TCAIM: variants seen among roughly 807,000 people sequenced by gnomAD.
TCAIM encodes the protein T cell activation inhibitor, mitochondrial.
TCAIM carries 36 observed loss-of-function variants against 58.6 expected under a neutral mutation model. That is an observed-to-expected ratio of 0.61 (90% CI 0.47 to 0.81). TCAIM has a LOEUF of 0.81. Among genes scored for constraint, TCAIM ranks in the 30% least tolerant of loss-of-function variants. The pLI, the probability that TCAIM is intolerant of heterozygous loss-of-function variation, is 0.00. For synonymous variants in TCAIM, 172 were observed against 193.6 expected (o/e 0.89, Z 0.93); for missense variants, 466 against 579.6 (o/e 0.80, Z 2.01).
intron 5 of TCAIM, among the ~76,000 whole-genome samples, chr3:44,375,890 C>T (rs766453958): frequency 1.3e-5 from 2 of 152,122 alleles, no homozygotes; most frequent in African/African-American, 2.4e-5. Context: ...CTTATAGCAA[C>T]GTTATTTATA....
chr3:44,367,950 T>A, intron 5 of TCAIM: 1 of 388,708 alleles, frequency 2.6e-6, no homozygotes, highest in Non-Finnish European at 4.6e-6. Context: ...TTTAAAGTTG[T>A]GGTCTTTTGA....
intron 1 of TCAIM, among the ~76,000 whole-genome samples, chr3:44,342,731 A>G (rs62253868): frequency 1.7e-4 from 25 of 149,472 alleles, no homozygotes; most frequent in Non-Finnish European, 4.4e-5. Context: ...TTTTTTTTAA[A>G]TTGTAGAAAG....
At chr3:44,389,058 G>A (rs1371577359) in intron 5 of TCAIM, among the ~76,000 whole-genome samples, 12 of 152,236 alleles carry the variant, frequency 7.9e-5, no homozygotes, top group Non-Finnish European at 1.3e-4. Flanking sequence ...TTGGGAGGCC[G>A]AGGTGGGTGG....
At chr3:44,367,034 C>T (rs535346247) in intron 4 of TCAIM, among the ~76,000 whole-genome samples, 1 of 152,306 alleles carries the variant, frequency 6.6e-6, no homozygotes, top group African/African-American at 2.4e-5. Context: ...TATGGCCCCT[C>T]TTACCTGAAC....
intron 5 of TCAIM, among the ~76,000 whole-genome samples, chr3:44,392,257 G>C (rs770544618): frequency 1.3e-5 from 2 of 152,168 alleles, no homozygotes; most frequent in Non-Finnish European, 2.9e-5. Flanking sequence ...AGAAGTAAAG[G>C]TTTGATTGAA....
chr3:44,407,377 T>C lies in TCAIM; in HGVS notation c.1251-65T>C. The C allele has an allele frequency of 4.9e-6, 6 of 1,215,080 alleles. No homozygotes were observed. In the South Asian group the frequency reaches 1.0e-4, roughly 21 times the overall value. 75.3% of individuals were successfully genotyped at this position (1,215,080 alleles called of 1,614,324 possible). A position where few individuals can be genotyped will look rare whatever the true frequency, so the allele number is the denominator to read the frequency against. On this transcript the variant is annotated intron_variant, in intron 10 of 10. Transcript: ENST00000342649. ...CATGTAAGAATATATTTACATTGTGTGTTCTTTTGTTTGGTTATGACAATA... is the reference window on the plus strand; with the variant it reads ...CATGTAAGAATATATTTACATTGTGCGTTCTTTTGTTTGGTTATGACAATA...
chr3:44,388,441 TAGAGTC>T (rs149973779), intron 5 of TCAIM, among the ~76,000 whole-genome samples: 1,739 of 152,294 alleles, frequency 0.011, 36 homozygotes, highest in African/African-American at 0.04. Context: ...TGCTCATAAT[TAGAGTC>T]AGAGTTTTTT....
intron 3 of TCAIM, chr3:44,359,838 G>A (rs1575247287): frequency 1.3e-5 from 2 of 152,254 alleles, no homozygotes. Context: ...CTAGTAAATC[G>A]TTGAACCTGA....
chr3:44,371,984 TAGAG>T (rs200207555), intron 5 of TCAIM, among the ~76,000 whole-genome samples: 22 of 126,222 alleles, frequency 1.7e-4, no homozygotes, highest in South Asian at 4.9e-4. Context: ...GAAATAGTAA[TAGAG>T]AGAGAGAGAG....
chr3:44,404,501 G>A (rs1403239038), intron 10 of TCAIM, among the ~76,000 whole-genome samples: 1 of 151,968 alleles, frequency 6.6e-6, no homozygotes, highest in African/African-American at 2.4e-5. Flanking sequence ...CCCCCAAGAA[G>A]AGAAAGCACT....
chr3:44,377,368 T>C (rs1166002226), intron 5 of TCAIM, among the ~76,000 whole-genome samples: 1 of 152,176 alleles, frequency 6.6e-6, no homozygotes, highest in Non-Finnish European at 1.5e-5. Context: ...CATCAAAATA[T>C]ATGAAGCAAA....
intron 5 of TCAIM, among the ~76,000 whole-genome samples, chr3:44,375,190 A>G (rs74678935): frequency 8.4e-4 from 128 of 152,320 alleles, no homozygotes; most frequent in Non-Finnish European, 1.5e-3. Context: ...TTATAATGAA[A>G]TCATTTTTAA....
intron 5 of TCAIM, among the ~76,000 whole-genome samples, chr3:44,375,205 G>A (rs984027478): frequency 6.6e-6 from 1 of 151,802 alleles, no homozygotes; most frequent in African/African-American, 2.4e-5. Flanking sequence ...TTTTAATCAA[G>A]CTGTCTTAGT....
intron 10 of TCAIM, 25 bp downstream of exon 10, chr3:44,401,359 A>G: frequency 4.3e-6 from 7 of 1,612,562 alleles, no homozygotes; most frequent in Non-Finnish European, 5.1e-6. Flanking sequence ...TCTTCTGTAA[A>G]GTCAGATCAT....
intron 2 of TCAIM, 62 bp downstream of exon 2, chr3:44,354,873 G>T: frequency 3.3e-6 from 5 of 1,536,954 alleles, no homozygotes; most frequent in South Asian, 2.4e-5. Flanking sequence ...TTATGCATTT[G>T]GTTTATTTCA....
intron 5 of TCAIM, among the ~76,000 whole-genome samples, chr3:44,377,162 G>A (rs749331015): frequency 1.3e-5 from 2 of 152,120 alleles, no homozygotes; most frequent in Non-Finnish European, 2.9e-5. Context: ...CTTTAGATCC[G>A]GAGTTGAAAG....
intron 5 of TCAIM, among the ~76,000 whole-genome samples, chr3:44,383,114 CTG>C (rs1701679625): frequency 6.6e-6 from 1 of 152,190 alleles, no homozygotes; most frequent in Non-Finnish European, 1.5e-5. Flanking sequence ...TTTGAAGAAA[CTG>C]GAACCCTTAT....
intron 5 of TCAIM, among the ~76,000 whole-genome samples, chr3:44,384,710 C>G (rs1701707692): frequency 6.6e-6 from 1 of 152,208 alleles, no homozygotes; most frequent in African/African-American, 2.4e-5. Flanking sequence ...TTGCCACATT[C>G]ATTTTTCTCT....
intron 1 of TCAIM, among the ~76,000 whole-genome samples, chr3:44,346,534 G>T (rs780162174): frequency 6.6e-6 from 1 of 152,164 alleles, no homozygotes; most frequent in Non-Finnish European, 1.5e-5. Flanking sequence ...CAATCCCTGA[G>T]GAGTAGTAGA....
Sources: allele counts gnomAD v4.1 joint callset (sites outside exome capture counted in the v4.1 genomes callset), GRCh38; gene constraint gnomAD v4.1.1; transcripts MANE v1.5; gene names NCBI Gene and HGNC (gene_info 2026-07-23, HGNC 2026-07-21).